The following ERI1 variants were observed in gnomAD, a reference collection of about 807,000 sequenced individuals.
ERI1 encodes the protein 3'-5' exoribonuclease 1.
Under a neutral mutation model 39.7 loss-of-function variants are expected in ERI1, and 39 were observed. The observed-to-expected ratio is 0.98, with a 90% CI of 0.76 to 1.28. ERI1 has a LOEUF of 1.28. Among genes scored for constraint, ERI1 ranks in the 50% most tolerant of loss-of-function variants. The pLI, the probability that ERI1 is intolerant of heterozygous loss-of-function variation, is 0.00. For synonymous variants in ERI1, 204 were observed against 149.6 expected (o/e 1.36, Z -2.65); for missense variants, 581 against 416.9 (o/e 1.39, Z -3.43).
intron 3 of ERI1, among the ~76,000 whole-genome samples, chr8:9,096,171 C>G (rs1469983741): frequency 2.6e-5 from 4 of 152,208 alleles, no homozygotes; most frequent in Non-Finnish European, 5.9e-5. Flanking sequence ...CAAACACATT[C>G]TATTTGGCTT....
In ERI1 at chr8:9,033,239, A is replaced by G. The variant is rs889459764; in HGVS notation, c.*3205A>G. 1 of 152,154 alleles carries G rather than the reference A, an allele frequency of 6.6e-6. No individual in the cohort carries two copies. Among genetic ancestry groups the G allele is most frequent in the African/African-American group, 2.4e-5 (1 of 41,426 alleles). The allele number at this position is 152,154 out of a possible 1,614,324, so 9.4% of individuals were successfully genotyped here. On this transcript the variant is annotated 3_prime_UTR_variant, in exon 7 of 7. Transcript: ENST00000250263. ...CCTATTTTTGTATGGCCTACAAACT[A>G]TGGTTTTTATATTCCCTTTTGTTAA... is the stretch of plus-strand genomic sequence containing the variant.
Position 9,004,166 on chromosome 8 carries a change from G to A in ERI1, c.108+995G>A. 3 of 1,288,726 alleles carry A rather than the reference G, an allele frequency of 2.3e-6. No homozygotes were observed. The South Asian group carries it at 3.7e-5, about 16-fold the overall frequency. The allele number at this position is 1,288,726 out of a possible 1,614,324, so 79.8% of individuals were successfully genotyped here. On this transcript the variant is annotated intron_variant, in intron 1 of 6. Coordinates refer to ENST00000250263, the MANE Select transcript of ERI1 (RefSeq NM_153332.4). ...TTTTGCCCTGTGTGCACTTCCTTTGGATCCTTGCAATTATCTTTCTCCTTC... is the reference window on the plus strand; with the variant it reads ...TTTTGCCCTGTGTGCACTTCCTTTGAATCCTTGCAATTATCTTTCTCCTTC...
At chr8:9,085,920 A>T (rs6601288) in intron 3 of ERI1, among the ~76,000 whole-genome samples, 101,667 of 151,944 alleles carry the variant, frequency 0.67, 35,795 homozygotes, top group African/African-American at 0.8. Context: ...AAACTCTTAT[A>T]TGATCAAGAT....
At chr8:9,045,676 A>T (rs1451338258) in intron 3 of ERI1, among the ~76,000 whole-genome samples, 2 of 138,346 alleles carry the variant, frequency 1.4e-5, no homozygotes, top group East Asian at 4.1e-4. Flanking sequence ...AATCTATAGA[A>T]TTTTTTTTTT....
intron 3 of ERI1, among the ~76,000 whole-genome samples, chr8:9,042,100 AC>A (rs1346710653): frequency 6.6e-6 from 1 of 152,128 alleles, no homozygotes; most frequent in African/African-American, 2.4e-5. Flanking sequence ...AACAAACCAA[AC>A]CCACCTGGGG....
chr8:9,023,739 A>G (rs946747138), intron 6 of ERI1, among the ~76,000 whole-genome samples: 5 of 151,436 alleles, frequency 3.3e-5, no homozygotes, highest in Non-Finnish European at 5.9e-5. Flanking sequence ...TATAATGCTA[A>G]TAAGGTATAT....
At chr8:9,008,261 C>CT (rs1816258921) in intron 2 of ERI1, 113 bp downstream of exon 2, 1 of 929,482 alleles carries the variant, frequency 1.1e-6, no homozygotes, top group South Asian at 2.3e-5. Flanking sequence ...TGACATGATC[C>CT]TATTAACAGT....
intron 3 of ERI1, among the ~76,000 whole-genome samples, chr8:9,070,623 T>G (rs1326725335): frequency 6.6e-6 from 1 of 152,228 alleles, no homozygotes; most frequent in South Asian, 2.1e-4. Context: ...CACGGAACAT[T>G]CCTAATGAAC....
chr8:9,024,092 G>A lies in ERI1; in HGVS notation c.807+3628G>A, dbSNP rs556799778. On this transcript the variant is annotated intron_variant, in intron 6 of 6. Coordinates refer to ENST00000250263, the MANE Select transcript of ERI1 (RefSeq NM_153332.4). ...TGGAATTATAGGCATGAGCCATTGC[G>A]CCTGGCCAAAAATGACCTTCTATCC... Among the ~76,000 whole-genome samples, 39 of 152,158 alleles carry A rather than the reference G, an allele frequency of 2.6e-4. 1 individual carries two copies. The highest frequency in any genetic ancestry group is 6.5e-4 in the Admixed American group (10 of 15,282).
intron 3 of ERI1, among the ~76,000 whole-genome samples, chr8:9,093,796 C>T (rs912689154): frequency 3.9e-5 from 6 of 152,086 alleles, no homozygotes; most frequent in East Asian, 1.9e-4. Flanking sequence ...AGGCTGGTCT[C>T]GAACTCCTGA....
intron 3 of ERI1, among the ~76,000 whole-genome samples, chr8:9,046,881 C>G (rs554937793): frequency 6.6e-6 from 1 of 152,328 alleles, no homozygotes; most frequent in East Asian, 1.9e-4. Flanking sequence ...CACAGATGAG[C>G]TCCAGGCAGA....
intron 3 of ERI1, among the ~76,000 whole-genome samples, chr8:9,014,131 C>G (rs528186536): frequency 2.6e-5 from 4 of 152,314 alleles, no homozygotes; most frequent in South Asian, 4.1e-4. Context: ...ATTGTTTCCT[C>G]TGATTGTTTC....
intron 1 of ERI1, among the ~76,000 whole-genome samples, chr8:9,003,394 C>T (rs79649661): frequency 2.0e-5 from 3 of 152,312 alleles, no homozygotes; most frequent in East Asian, 3.9e-4. Flanking sequence ...TCGTCAAGAC[C>T]AGTTCTGTCT....
chr8:9,086,743 A>G (rs1357089769), intron 3 of ERI1, among the ~76,000 whole-genome samples: 5 of 152,124 alleles, frequency 3.3e-5, no homozygotes, highest in Non-Finnish European at 7.3e-5. Context: ...TGTGATAAAC[A>G]CACATTATAG....
intron 6 of ERI1, among the ~76,000 whole-genome samples, chr8:9,022,025 C>T (rs1317456496): frequency 6.6e-6 from 1 of 151,734 alleles, no homozygotes; most frequent in Non-Finnish European, 1.5e-5. Flanking sequence ...AGTGCAGTTG[C>T]TGGGTCATGG....
chr8:9,005,338 TG>T (rs1815865383), intron 1 of ERI1, among the ~76,000 whole-genome samples: 1 of 152,166 alleles, frequency 6.6e-6, no homozygotes, highest in African/African-American at 2.4e-5. Flanking sequence ...TGTAGCTTAC[TG>T]TTAAAATGTG....
At chr8:9,079,672 C>T (rs888659828) in intron 3 of ERI1, among the ~76,000 whole-genome samples, 5 of 152,098 alleles carry the variant, frequency 3.3e-5, no homozygotes, top group Non-Finnish European at 7.4e-5. Context: ...ATCTTTGTTA[C>T]GAGCAGGTTT....
intron 3 of ERI1, among the ~76,000 whole-genome samples, chr8:9,051,893 G>A (rs931537427): frequency 1.3e-5 from 2 of 152,212 alleles, no homozygotes; most frequent in African/African-American, 4.8e-5. Context: ...GACTGTAGCT[G>A]CAGAGTCGTT....
intron 5 of ERI1, among the ~76,000 whole-genome samples, chr8:9,020,040 C>G (rs1817717176): frequency 6.6e-6 from 1 of 152,092 alleles, no homozygotes; most frequent in Non-Finnish European, 1.5e-5. Context: ...CATGCTAAGT[C>G]TGGCAGTAAA....
Sources: gnomAD v4.1 joint callset for allele counts (sites outside exome capture counted in the v4.1 genomes callset) on GRCh38, gnomAD v4.1.1 for gene constraint, MANE v1.5 for transcripts, NCBI Gene and HGNC (gene_info 2026-07-23, HGNC 2026-07-21) for gene names.